ME1: variants seen among roughly 807,000 people sequenced by gnomAD.
The protein encoded by ME1 is NADP-dependent malic enzyme.
ME1 carries 74 observed loss-of-function variants against 66.4 expected under a neutral mutation model. The ratio of observed to expected loss-of-function variants is 1.11; its 90% CI spans 0.92 to 1.35. The LOEUF (loss-of-function observed/expected upper bound fraction) is 1.35, where lower values mean the gene tolerates loss of function less well. ME1 is among the 40% of genes most tolerant of loss of function. The pLI is 0.00. For missense variants in ME1, 750 were observed against 694.1 expected, an observed-to-expected ratio of 1.08 and a Z score of -0.90; for synonymous variants, 251 against 235.6, an observed-to-expected ratio of 1.07 and a Z score of -0.60.
intron 6 of ME1, among the ~76,000 whole-genome samples, chr6:83,270,277 T>C (rs1767060276): frequency 6.6e-6 from 1 of 152,154 alleles, no homozygotes; most frequent in African/African-American, 2.4e-5. Flanking sequence ...ATGTTCTAAA[T>C]TGCCACTCTT....
intron 1 of ME1, among the ~76,000 whole-genome samples, chr6:83,426,931 C>G (rs1455188958): frequency 6.6e-6 from 1 of 151,794 alleles, no homozygotes; most frequent in Non-Finnish European, 1.5e-5. Context: ...GGGAAATAAA[C>G]TAATTGAGAA....
chr6:83,252,457 G>A (rs1249578777), intron 7 of ME1, among the ~76,000 whole-genome samples: 1 of 152,108 alleles, frequency 6.6e-6, no homozygotes. Flanking sequence ...ACACCATCAT[G>A]CCAGGCTAAT....
chr6:83,212,201 C>T, intron 13 of ME1, 107 bp from the exon 14 acceptor site: 2 of 667,078 alleles, frequency 3.0e-6, no homozygotes, highest in Non-Finnish European at 4.7e-6. Flanking sequence ...CCTATGTTTG[C>T]AAAAACATTA....
At chr6:83,369,125 C>T (rs867373435) in intron 3 of ME1, among the ~76,000 whole-genome samples, 1 of 152,136 alleles carries the variant, frequency 6.6e-6, no homozygotes, top group South Asian at 2.1e-4. Flanking sequence ...TTTTTTCCCA[C>T]TCTTCCTTGT....
At chr6:83,245,528 C>G (rs1365677739) in intron 7 of ME1, among the ~76,000 whole-genome samples, 1 of 152,104 alleles carries the variant, frequency 6.6e-6, no homozygotes, top group Non-Finnish European at 1.5e-5. Flanking sequence ...GCCTCAGCGT[C>G]CCAAATAGCT....
intron 2 of ME1, among the ~76,000 whole-genome samples, chr6:83,405,867 G>A (rs1008550466): frequency 6.0e-5 from 9 of 150,950 alleles, no homozygotes; most frequent in African/African-American, 1.5e-4. Context: ...GACTACAGGC[G>A]CCCGCCACTA....
At chr6:83,220,347 C>G (rs1403327690) in intron 12 of ME1, among the ~76,000 whole-genome samples, 1 of 152,182 alleles carries the variant, frequency 6.6e-6, no homozygotes, top group East Asian at 1.9e-4. Context: ...TGAGATTTGT[C>G]TCCCAGGTGT....
intron 2 of ME1, among the ~76,000 whole-genome samples, chr6:83,402,138 G>C (rs1769851856): frequency 6.6e-6 from 1 of 152,206 alleles, no homozygotes; most frequent in Non-Finnish European, 1.5e-5. Context: ...ACAATCTGAA[G>C]CAACTGGCTT....
intron 13 of ME1, among the ~76,000 whole-genome samples, chr6:83,214,383 A>G (rs1002750813): frequency 1.3e-5 from 2 of 152,118 alleles, no homozygotes; most frequent in African/African-American, 4.8e-5. Context: ...CCTCCTGTAC[A>G]TCTTGAAATT....
At chr6:83,418,417 A>G (rs574965527) in intron 1 of ME1, among the ~76,000 whole-genome samples, 1 of 152,258 alleles carries the variant, frequency 6.6e-6, no homozygotes, top group East Asian at 1.9e-4. Context: ...TTGATGTCCC[A>G]GCTTCAGGAC....
At position 83,292,395 on chromosome 6, in the gene ME1, G is replaced by A. The variant is rs569770834; in HGVS notation, c.704+22915C>T. On this transcript the variant is annotated intron_variant, in intron 6 of 13. Coordinates refer to ENST00000369705, the MANE Select transcript of ME1 (RefSeq NM_002395.6). ...CAGGCCCCTCAGCTGCAGTTACTTC[G>A]CAGTTTGCTGGAGGTCCCCTCCATA... Among the ~76,000 whole-genome samples the A allele has an allele frequency of 7.2e-5, 11 of 152,252 alleles. No homozygotes were observed. The South Asian group carries it at 8.3e-4, about 11-fold the overall frequency.
At chr6:83,214,988 T>A (rs573460528) in intron 13 of ME1, among the ~76,000 whole-genome samples, 2 of 152,284 alleles carry the variant, frequency 1.3e-5, no homozygotes, top group South Asian at 4.1e-4. Flanking sequence ...TTCATTTAAA[T>A]CTCCAAAATG....
intron 1 of ME1, among the ~76,000 whole-genome samples, chr6:83,418,703 C>T (rs74367200): frequency 0.038 from 5,778 of 152,198 alleles, 357 homozygotes; most frequent in African/African-American, 0.13. Context: ...ACTACCCCAA[C>T]GAAACAGTGG....
chr6:83,288,846 A>G (rs1297138131), intron 6 of ME1, among the ~76,000 whole-genome samples: 1 of 152,150 alleles, frequency 6.6e-6, no homozygotes, highest in Non-Finnish European at 1.5e-5. Flanking sequence ...AGTGGTTTGT[A>G]GTTCTCCTTG....
chr6:83,325,486 C>T (rs1019848551), intron 5 of ME1, among the ~76,000 whole-genome samples: 2 of 152,182 alleles, frequency 1.3e-5, no homozygotes. Context: ...AGCACAAAAA[C>T]TCCTTAAGCT....
intron 7 of ME1, among the ~76,000 whole-genome samples, chr6:83,244,115 TCTC>T (rs1583337016): frequency 6.6e-6 from 1 of 151,622 alleles, no homozygotes; most frequent in African/African-American, 2.4e-5. Flanking sequence ...CCTCCAATCT[TCTC>T]CTACTTAAAG....
intron 1 of ME1, among the ~76,000 whole-genome samples, chr6:83,414,171 T>TC (rs908406181): frequency 2.7e-5 from 4 of 149,696 alleles, no homozygotes; most frequent in South Asian, 2.1e-4. Flanking sequence ...CAACCTCATT[T>TC]CCCCCCCAAA....
intron 2 of ME1, among the ~76,000 whole-genome samples, chr6:83,406,920 C>A (rs1769955080): frequency 1.3e-5 from 2 of 151,092 alleles, no homozygotes; most frequent in African/African-American, 4.9e-5. Context: ...AACAAGCCTT[C>A]TCCCTCTCCT....
exon 1 of ME1, chr6:83,431,050 CTGT>C (rs1237214278): frequency 2.7e-6 from 2 of 732,936 alleles, no homozygotes; most frequent in Non-Finnish European, 3.9e-6. Context: ...CTGACTGCAG[CTGT>C]GGCGGCGGCG....
Sources: allele counts gnomAD v4.1 joint callset (sites outside exome capture counted in the v4.1 genomes callset), GRCh38; gene constraint gnomAD v4.1.1; transcripts MANE v1.5; gene names NCBI Gene and HGNC (gene_info 2026-07-23, HGNC 2026-07-21).